Variants in RFX3 observed in about 807,000 individuals in gnomAD.
The protein encoded by RFX3 is transcription factor RFX3.
In RFX3, 14 loss-of-function variants were observed where a neutral mutation model predicts 98.6. That is an observed-to-expected ratio of 0.14 (90% CI 0.09 to 0.22). The LOEUF (loss-of-function observed/expected upper bound fraction) is 0.22, where lower values mean the gene tolerates loss of function less well. Among genes scored for constraint, RFX3 ranks in the 10% least tolerant of loss-of-function variants. The pLI is 1.00. For synonymous variants in RFX3, 383 were observed against 328.4 expected, an observed-to-expected ratio of 1.17 and a Z score of -1.80; for missense variants, 639 against 926.9, an observed-to-expected ratio of 0.69 and a Z score of 4.03.
intron 15 of RFX3, among the ~76,000 whole-genome samples, chr9:3,229,525 C>T (rs116614221): frequency 3.3e-5 from 5 of 152,180 alleles, no homozygotes; most frequent in Admixed American, 6.6e-5. Context: ...TAATAGCCTT[C>T]GGCTTAGACA....
At chr9:3,491,636 T>A (rs1275198030) in intron 1 of RFX3, among the ~76,000 whole-genome samples, 3 of 152,192 alleles carry the variant, frequency 2.0e-5, no homozygotes, top group African/African-American at 7.2e-5. Flanking sequence ...AGGTTACAAA[T>A]AAAACCTATT....
chr9:3,524,142 AACT>A (rs1818986469), intron 1 of RFX3, among the ~76,000 whole-genome samples: 1 of 152,232 alleles, frequency 6.6e-6, no homozygotes, highest in Non-Finnish European at 1.5e-5. Context: ...CAATATGTGC[AACT>A]ACAATAGTAC....
At chr9:3,475,075 G>A (rs1261877380) in intron 1 of RFX3, among the ~76,000 whole-genome samples, 1 of 150,334 alleles carries the variant, frequency 6.7e-6, no homozygotes, top group East Asian at 1.9e-4. Context: ...CTAACAGCCT[G>A]GGCAACAGAG....
intron 11 of RFX3, among the ~76,000 whole-genome samples, chr9:3,268,959 T>G (rs1161367856): frequency 6.6e-6 from 1 of 151,946 alleles, no homozygotes; most frequent in Non-Finnish European, 1.5e-5. Context: ...CCTATGCAAC[T>G]TCTTATAAAC....
At chr9:3,467,378 T>A (rs1210661362) in intron 1 of RFX3, among the ~76,000 whole-genome samples, 1 of 150,288 alleles carries the variant, frequency 6.7e-6, no homozygotes, top group African/African-American at 2.4e-5. Flanking sequence ...AGGCTTTCTT[T>A]CAAGGCATCA....
chr9:3,410,209 G>GT (rs55715321), intron 1 of RFX3, among the ~76,000 whole-genome samples: 8 of 148,624 alleles, frequency 5.4e-5, no homozygotes, highest in East Asian at 2.0e-4. Flanking sequence ...GTGTGTGTGT[G>GT]GCGCTATCAA....
intron 1 of RFX3, among the ~76,000 whole-genome samples, chr9:3,486,149 A>AAAAAAAAAAAAAC: frequency 6.6e-6 from 1 of 150,802 alleles, no homozygotes; most frequent in Non-Finnish European, 1.5e-5. Context: ...AAAAAAAAAA[A>AAAAAAAAAAAAAC]AAAAGAATAA....
chr9:3,468,581 G>A (rs1848509665), intron 1 of RFX3, among the ~76,000 whole-genome samples: 1 of 151,976 alleles, frequency 6.6e-6, no homozygotes, highest in Non-Finnish European at 1.5e-5. Flanking sequence ...ATGTAATGTA[G>A]GCAGCTTAGC....
chr9:3,310,471 G>T (rs775743302), intron 4 of RFX3, among the ~76,000 whole-genome samples: 7 of 152,122 alleles, frequency 4.6e-5, no homozygotes, highest in African/African-American at 4.8e-5. Context: ...AAGAGTAAAG[G>T]TCAATATTGA....
At chr9:3,387,237 C>T (rs1396007133) in intron 2 of RFX3, among the ~76,000 whole-genome samples, 1 of 152,090 alleles carries the variant, frequency 6.6e-6, no homozygotes, top group East Asian at 1.9e-4. Context: ...GTATTTTCTT[C>T]AAAAGCTGGC....
chr9:3,507,326 A>G (rs982420848), intron 1 of RFX3, among the ~76,000 whole-genome samples: 2 of 151,978 alleles, frequency 1.3e-5, no homozygotes, highest in African/African-American at 4.8e-5. Flanking sequence ...GAGAAAAGAA[A>G]TGACAAGGCA....
intron 4 of RFX3, among the ~76,000 whole-genome samples, chr9:3,326,602 T>G (rs1480675157): frequency 1.3e-5 from 2 of 152,336 alleles, no homozygotes; most frequent in Admixed American, 1.3e-4. Context: ...TTTCTGTTCC[T>G]GCATTAGTTT....
chr9:3,496,256 AGTAG>A lies in RFX3; in HGVS notation c.-9+29487_-9+29490del, dbSNP rs1273049218. ...TAATGAAATTTTACTCCTTGTGCAA[AGTAG>A]TAAGTATTTCATCTCTTAGTGCATA... On this transcript the variant is annotated intron_variant, in intron 1 of 16. Transcript: ENST00000617270. Among the ~76,000 whole-genome samples the A allele has an allele frequency of 5.3e-5, 8 of 152,022 alleles. No homozygotes were observed. The East Asian group carries it at 1.5e-3, about 29-fold the overall frequency.
intron 1 of RFX3, among the ~76,000 whole-genome samples, chr9:3,503,810 C>A (rs1396893957): frequency 6.6e-6 from 1 of 151,924 alleles, no homozygotes; most frequent in African/African-American, 2.4e-5. Flanking sequence ...ATATAAAACA[C>A]TGAAGAGCAT....
intron 5 of RFX3, among the ~76,000 whole-genome samples, chr9:3,298,825 T>C (rs904679326): frequency 2.0e-5 from 3 of 151,702 alleles, no homozygotes; most frequent in Admixed American, 2.0e-4. Context: ...AATAAGCAAA[T>C]ACAGAAACAG....
chr9:3,524,602 C>A, intron 1 of RFX3: 2 of 981,266 alleles, frequency 2.0e-6, no homozygotes, highest in Non-Finnish European at 2.4e-6. Flanking sequence ...ACAAATAACA[C>A]TGTGAACTGA....
At chr9:3,342,420 AACAGGAAGACT>A (rs1833991009) in intron 3 of RFX3, among the ~76,000 whole-genome samples, 1 of 152,190 alleles carries the variant, frequency 6.6e-6, no homozygotes, top group South Asian at 2.1e-4. Flanking sequence ...CTATAATCTA[AACAGGAAGACT>A]ACTAGAACAG....
chr9:3,323,105 G>A (rs1348933284), intron 4 of RFX3, among the ~76,000 whole-genome samples: 1 of 152,146 alleles, frequency 6.6e-6, no homozygotes, highest in Non-Finnish European at 1.5e-5. Flanking sequence ...GAGTTTAAAG[G>A]AAACCAGATA....
At chr9:3,376,895 T>C (rs1337142568) in intron 2 of RFX3, among the ~76,000 whole-genome samples, 1 of 152,160 alleles carries the variant, frequency 6.6e-6, no homozygotes, top group African/African-American at 2.4e-5. Context: ...CACTATGAGA[T>C]ACCATCTCAC....
Sources: allele counts gnomAD v4.1 joint callset (sites outside exome capture counted in the v4.1 genomes callset), GRCh38; gene constraint gnomAD v4.1.1; transcripts MANE v1.5; gene names NCBI Gene and HGNC (gene_info 2026-07-23, HGNC 2026-07-21).